Variants in PARP1 observed in about 807,000 individuals in gnomAD.
PARP1 encodes poly(ADP-ribose) polymerase 1.
A neutral mutation model predicts 118.7 loss-of-function variants in PARP1; 44 were observed. The observed-to-expected ratio is 0.37, with a 90% CI of 0.29 to 0.48. The LOEUF (loss-of-function observed/expected upper bound fraction) is 0.48, where lower values mean the gene tolerates loss of function less well. Among genes scored for constraint, PARP1 ranks in the 20% least tolerant of loss-of-function variants. The probability of loss-of-function intolerance (pLI) is 0.99; values close to 1 mark genes in which losing one functional copy is unlikely to be tolerated. For missense variants in PARP1, 1,100 were observed against 1,272.4 expected (o/e 0.86, Z 2.06); for synonymous variants, 492 against 483.2 (o/e 1.02, Z -0.24).
chr1:226,405,018 G>C (rs1665117032), intron 1 of PARP1, among the ~76,000 whole-genome samples: 1 of 152,186 alleles, frequency 6.6e-6, no homozygotes, highest in Non-Finnish European at 1.5e-5. Context: ...TCCCTCCCAA[G>C]ATGCCCCAGG....
rs1473539177 is a variant in PARP1, at chr1:226,407,855, G to A, written c.75C>T (p.Ser25=). ...GGAGCGAGTCCTTGGGGATGCTCTC[G>A]CTGCATTTCTTGCAAGAGGCGCGCC... ...KSGRASCKKC[S]ESIPKDSLRM... The change falls in exon 1 of 23, where the codon AGC becomes AGT. Residue 25 remains serine, a synonymous_variant. Transcript: ENST00000366794. The A allele has an allele frequency of 6.2e-7, 1 of 1,605,976 alleles. No individual in the cohort carries two copies. The highest frequency in any genetic ancestry group is 1.3e-5 in the African/African-American group (1 of 74,874).
chr1:226,379,115 C>G (rs764252735), intron 12 of PARP1, 27 bp downstream of exon 12: 18 of 1,613,912 alleles, frequency 1.1e-5, no homozygotes, highest in Middle Eastern at 1.6e-4. Flanking sequence ...TGTCTCTGCA[C>G]AACCAGGCTA....
chr1:226,361,719 A>C, intron 22 of PARP1, 178 bp from the exon 23 acceptor site: 1 of 682,118 alleles, frequency 1.5e-6, no homozygotes, highest in Non-Finnish European at 2.7e-6. Flanking sequence ...TGCCAGCCTG[A>C]AAGTTACTCT....
chr1:226,370,857 A>C (rs920884328), intron 14 of PARP1: 8 of 325,966 alleles, frequency 2.5e-5, no homozygotes, highest in African/African-American at 1.7e-4. Context: ...GGGCTCATAA[A>C]TCATGCTGAC....
chr1:226,402,143 T>C, intron 2 of PARP1, 71 bp downstream of exon 2: 7 of 1,613,712 alleles, frequency 4.3e-6, no homozygotes, highest in Non-Finnish European at 5.9e-6. Context: ...TGCTTTGCTC[T>C]CTGAGACGAG....
intron 4 of PARP1, 42 bp from the exon 5 acceptor site, chr1:226,388,797 A>G (rs1248540036): frequency 2.1e-6 from 3 of 1,448,636 alleles, no homozygotes; most frequent in East Asian, 2.3e-5. Context: ...AGAGCCATTA[A>G]AAGTCTGACA....
At chr1:226,401,147 C>T (rs6697049) in intron 2 of PARP1, among the ~76,000 whole-genome samples, 134 of 152,322 alleles carry the variant, frequency 8.8e-4, no homozygotes, top group African/African-American at 3.1e-3. Flanking sequence ...CAGTGGTTGT[C>T]AGGAATTAGG....
Position 226,401,732 on chromosome 1 carries a change from T to C in PARP1, c.286+482A>G, listed in dbSNP as rs3219030. ...GCAGGTCTGAAACTACTCTGTATGATACTATAATGGCAGATGCATGTCATC... is the reference window on the plus strand; with the variant it reads ...GCAGGTCTGAAACTACTCTGTATGACACTATAATGGCAGATGCATGTCATC... On this transcript the variant is annotated intron_variant, in intron 2 of 22. Transcript: ENST00000366794. Among the ~76,000 whole-genome samples, 592 of 152,282 alleles carry C rather than the reference T, an allele frequency of 3.9e-3. 5 individuals are homozygous for C. The highest frequency in any genetic ancestry group is 0.014 in the African/African-American group (571 of 41,548).
In PARP1 at chr1:226,407,715, G is replaced by GGGCCCT. The variant is rs1160835107; in HGVS notation, c.120+94_120+95insAGGGCC. 3.1e-6 allele frequency: 4 copies of GGGCCCT among 1,297,644 alleles called. No individual in the cohort carries two copies. In the East Asian group the frequency reaches 1.6e-4, roughly 50 times the overall value. The allele number at this position is 1,297,644 out of a possible 1,614,324, so 80.4% of individuals were successfully genotyped here. On this transcript the variant is annotated intron_variant, in intron 1 of 22. Coordinates refer to ENST00000366794, the MANE Select transcript of PARP1 (RefSeq NM_001618.4). ...AGTGCCGCTCCGAGGGCCCGGGCCC[G>GGGCCCT]CTCGCTCCCTGGGCCCGCCCTCCCC...
At chr1:226,373,009 C>T (rs1448563768) in intron 14 of PARP1, among the ~76,000 whole-genome samples, 2 of 152,168 alleles carry the variant, frequency 1.3e-5, no homozygotes, top group South Asian at 2.1e-4. Context: ...TTTTTAAACC[C>T]GTTAGAGGAT....
At chr1:226,362,489 A>G (rs1424561093) in intron 21 of PARP1, among the ~76,000 whole-genome samples, 1 of 152,176 alleles carries the variant, frequency 6.6e-6, no homozygotes, top group African/African-American at 2.4e-5. Context: ...CAGATATAAA[A>G]CTAAGGCAAT....
chr1:226,368,441 C>T (rs763570252), intron 15 of PARP1, 120 bp from the exon 16 acceptor site: 14 of 1,235,326 alleles, frequency 1.1e-5, no homozygotes, highest in Non-Finnish European at 1.6e-5. Flanking sequence ...GGTATGTGCA[C>T]ATGCCAGGAC....
chr1:226,372,817 T>C (rs1664413734), intron 14 of PARP1, among the ~76,000 whole-genome samples: 1 of 152,102 alleles, frequency 6.6e-6, no homozygotes, highest in South Asian at 2.1e-4. Flanking sequence ...AGTGCAGGAC[T>C]TCAAAACGTG....
intron 8 of PARP1, 21 bp from the exon 9 acceptor site, chr1:226,381,229 C>A (rs767584980): frequency 6.2e-7 from 1 of 1,614,146 alleles, no homozygotes; most frequent in Non-Finnish European, 8.5e-7. Flanking sequence ...AGGAGAGAAT[C>A]ATTCAGCAAG....
In PARP1 at chr1:226,364,063, T is replaced by C; in HGVS notation, c.2666A>G (p.Tyr889Cys). 1 of 1,613,894 alleles carries C rather than the reference T, an allele frequency of 6.2e-7. No homozygotes were observed. The highest frequency in any genetic ancestry group is 8.5e-7 in the Non-Finnish European group (1 of 1,179,804). Reference protein sequence around the residue: ...IAPPEAPVTGYMFGKGIYFAD... With the variant: ...IAPPEAPVTGCMFGKGIYFAD... ...GAAATAGATCCCTTTACCAAACATGTAGCCTGTCTGGAAGGTCGGAAAAGG... is the reference window on the plus strand; with the variant it reads ...GAAATAGATCCCTTTACCAAACATGCAGCCTGTCTGGAAGGTCGGAAAAGG... The change falls in exon 20 of 23, where the codon TAC becomes TGC. Residue 889 changes from tyrosine to cysteine, a missense_variant. Transcript: ENST00000366794.
chr1:226,364,000 G>A lies in PARP1; in HGVS notation c.2729C>T (p.Thr910Met), dbSNP rs866456432. Residue 910 changes from threonine (T) to methionine (M), a missense_variant, in exon 20 of 23, where the codon ACG becomes ATG. Around this residue, in one of 2 missense-constraint regions of PARP1, gnomAD observed 152 missense variants for 240.6 expected, o/e 0.63. Coordinates refer to ENST00000366794, the MANE Select transcript of PARP1 (RefSeq NM_001618.4). ...MVSKSANYCH[T>M]SQGDPIGLIL... ...TAAGCCTATTGGGTCTCCCTGAGACGTATGGCAGTAGTTGGCACTCTTGGA... is the reference window on the plus strand; with the variant it reads ...TAAGCCTATTGGGTCTCCCTGAGACATATGGCAGTAGTTGGCACTCTTGGA... 15 of 1,613,542 alleles carry A rather than the reference G, an allele frequency of 9.3e-6. No homozygotes were observed. Among genetic ancestry groups the A allele is most frequent in the African/African-American group, 2.7e-5 (2 of 74,920 alleles).
intron 2 of PARP1, 100 bp downstream of exon 2, chr1:226,402,114 G>C: frequency 6.2e-7 from 1 of 1,605,640 alleles, no homozygotes; most frequent in Non-Finnish European, 8.5e-7. Flanking sequence ...ATGTGGGAGA[G>C]GGCAAGCTGG....
chr1:226,387,874 C>CT (rs1438003659), intron 5 of PARP1, among the ~76,000 whole-genome samples: 1 of 152,174 alleles, frequency 6.6e-6, no homozygotes, highest in African/African-American at 2.4e-5. Context: ...ATGACAGACA[C>CT]TTTTTTACCA....
intron 1 of PARP1, among the ~76,000 whole-genome samples, chr1:226,404,487 T>C (rs1289623119): frequency 6.6e-6 from 1 of 152,238 alleles, no homozygotes; most frequent in Non-Finnish European, 1.5e-5. Flanking sequence ...ATGGCACTTC[T>C]TCCTGGCTCT....
Sources: gnomAD v4.1 joint callset for allele counts (sites outside exome capture counted in the v4.1 genomes callset) on GRCh38, gnomAD v4.1.1 for gene constraint, gnomAD v4.1.1 regional missense constraint, MANE v1.5 for transcripts, NCBI Gene and HGNC (gene_info 2026-07-23, HGNC 2026-07-21) for gene names.